Variants in NAV2 observed in about 807,000 individuals in gnomAD.
NAV2 encodes helicase, APC down-regulated 1.
In NAV2, 54 loss-of-function variants were observed where a neutral mutation model predicts 223.2. The observed-to-expected ratio is 0.24, with a 90% confidence interval of 0.19 to 0.30. The LOEUF (loss-of-function observed/expected upper bound fraction) is 0.30. Among genes scored for constraint, NAV2 ranks in the 10% least tolerant of loss-of-function variants. The pLI, the probability that NAV2 is intolerant of heterozygous loss-of-function variation, is 1.00. For missense variants in NAV2, 2,806 were observed against 3,147.5 expected (o/e 0.89, Z 2.60); for synonymous variants, 1,279 against 1,239.3 (o/e 1.03, Z -0.67).
At chr11:19,729,834 C>A (rs1322629361) in intron 1 of NAV2, among the ~76,000 whole-genome samples, 1 of 152,122 alleles carries the variant, frequency 6.6e-6, no homozygotes, top group East Asian at 1.9e-4. Context: ...GATCTGCAAC[C>A]TATAGGAGAG....
At chr11:19,449,154 C>A (rs890813282) in intron 1 of NAV2, among the ~76,000 whole-genome samples, 1 of 152,182 alleles carries the variant, frequency 6.6e-6, no homozygotes, top group Non-Finnish European at 1.5e-5. Flanking sequence ...CCATCATGAA[C>A]CTGGCCTCCA....
At chr11:20,040,723 A>C in intron 12 of NAV2, among the ~76,000 whole-genome samples, 1 of 152,188 alleles carries the variant, frequency 6.6e-6, no homozygotes, top group Non-Finnish European at 1.5e-5. Flanking sequence ...TTCAGAAAGG[A>C]GGTACCATTG....
At chr11:19,912,617 G>C (rs948030783) in intron 6 of NAV2, among the ~76,000 whole-genome samples, 2 of 152,120 alleles carry the variant, frequency 1.3e-5, no homozygotes, top group Non-Finnish European at 2.9e-5. Context: ...CCGTCCTTTA[G>C]TGTAACTGGA....
intron 26 of NAV2, among the ~76,000 whole-genome samples, chr11:20,088,729 T>C (rs1190518196): frequency 6.6e-6 from 1 of 152,142 alleles, no homozygotes; most frequent in Admixed American, 6.5e-5. Context: ...GCTGAGAGCT[T>C]TCTGGGAAAA....
chr11:19,944,064 G>T (rs1248895705), intron 8 of NAV2, among the ~76,000 whole-genome samples: 1 of 152,136 alleles, frequency 6.6e-6, no homozygotes, highest in African/African-American at 2.4e-5. Flanking sequence ...AGCCGGGTGT[G>T]GTGGCGGGCG....
At chr11:20,019,321 A>C (rs921458972) in intron 11 of NAV2, among the ~76,000 whole-genome samples, 1 of 152,194 alleles carries the variant, frequency 6.6e-6, no homozygotes, top group African/African-American at 2.4e-5. Context: ...ATTACATCGG[A>C]GGCAAGAAGG....
chr11:20,106,193 A>ATGTGTGTG (rs1565089429), intron 35 of NAV2, among the ~76,000 whole-genome samples: 6 of 23,080 alleles, frequency 2.6e-4, no homozygotes, highest in Middle Eastern at 0.045. Flanking sequence ...GTATATATAT[A>ATGTGTGTG]TATATATATA....
chr11:19,927,875 T>G (rs950842215), intron 6 of NAV2, among the ~76,000 whole-genome samples: 3 of 152,224 alleles, frequency 2.0e-5, no homozygotes, highest in African/African-American at 7.2e-5. Flanking sequence ...ATTCTTACTG[T>G]GTTTTTACTA....
At chr11:19,718,616 C>G (rs182098522) in intron 1 of NAV2, among the ~76,000 whole-genome samples, 1 of 144,526 alleles carries the variant, frequency 6.9e-6, no homozygotes, top group East Asian at 2.0e-4. Flanking sequence ...CATTTTTCTG[C>G]TATTGTGTTA....
chr11:19,694,361 A>T (rs1323360708), intron 1 of NAV2, among the ~76,000 whole-genome samples: 1 of 152,214 alleles, frequency 6.6e-6, no homozygotes, highest in Non-Finnish European at 1.5e-5. Flanking sequence ...AGCTCTCTGC[A>T]TGCATAGGTG....
Position 20,075,348 on chromosome 11 carries a change from C to T in NAV2, c.4984-2204C>T, listed in dbSNP as rs145208061. Among the ~76,000 whole-genome samples, 436 of 152,124 alleles carry T rather than the reference C, an allele frequency of 2.9e-3. 2 individuals carry two copies. Among genetic ancestry groups the T allele is most frequent in the African/African-American group, 0.01 (418 of 41,494 alleles). ...ACGCCATTCTCCTGCCTCAGCCTCC[C>T]GAGTAGCTGGGACTACAGGTGCCCA... is the stretch of plus-strand genomic sequence containing the variant. On this transcript the variant is annotated intron_variant, in intron 22 of 37. Transcript: ENST00000349880.
intron 26 of NAV2, among the ~76,000 whole-genome samples, chr11:20,089,195 A>C (rs934342891): frequency 6.6e-6 from 1 of 152,144 alleles, no homozygotes; most frequent in Non-Finnish European, 1.5e-5. Context: ...CATTTTCAGG[A>C]GTTCTTTGGG....
intron 1 of NAV2, among the ~76,000 whole-genome samples, chr11:19,498,943 G>A (rs1222595291): frequency 1.3e-5 from 2 of 152,204 alleles, no homozygotes; most frequent in African/African-American, 4.8e-5. Context: ...GAGTAGCAAA[G>A]TACTATGGTT....
chr11:19,735,875 G>A (rs1026399701), intron 1 of NAV2, among the ~76,000 whole-genome samples: 9 of 152,182 alleles, frequency 5.9e-5, no homozygotes, highest in Non-Finnish European at 1.2e-4. Context: ...TGGAGGTTGG[G>A]AGGCTGACAT....
chr11:19,668,618 C>T (rs980980708), intron 1 of NAV2, among the ~76,000 whole-genome samples: 3 of 149,752 alleles, frequency 2.0e-5, no homozygotes, highest in East Asian at 2.0e-4. Context: ...GATGATCTTG[C>T]ATCATCTCAA....
intron 1 of NAV2, among the ~76,000 whole-genome samples, chr11:19,354,043 A>G (rs1270221427): frequency 1.3e-5 from 2 of 152,216 alleles, no homozygotes; most frequent in African/African-American, 2.4e-5. Flanking sequence ...GCCAAAATTT[A>G]TATTATTAAT....
chr11:19,655,194 A>T (rs1044002457), intron 1 of NAV2, among the ~76,000 whole-genome samples: 7 of 152,234 alleles, frequency 4.6e-5, no homozygotes, highest in African/African-American at 1.7e-4. Flanking sequence ...GCAATGAGAT[A>T]CCATCTCATA....
At chr11:19,557,921 T>C (rs2044956589) in intron 1 of NAV2, among the ~76,000 whole-genome samples, 1 of 152,124 alleles carries the variant, frequency 6.6e-6, no homozygotes. Flanking sequence ...ATCATGTGAG[T>C]CCATGTGGAG....
chr11:19,879,766 C>T (rs2063083302), intron 4 of NAV2, 103 bp from the exon 5 acceptor site: 1 of 1,329,052 alleles, frequency 7.5e-7, no homozygotes, highest in Non-Finnish European at 1.1e-6. Context: ...TTCAGGAAGC[C>T]TGTCATATCC....
Sources: gnomAD v4.1 joint callset for allele counts (sites outside exome capture counted in the v4.1 genomes callset) on GRCh38, gnomAD v4.1.1 for gene constraint, MANE v1.5 for transcripts, NCBI Gene and HGNC (gene_info 2026-07-23, HGNC 2026-07-21) for gene names.